The following GRXCR1 variants were observed in gnomAD, a reference collection of about 807,000 sequenced individuals.
GRXCR1 encodes the protein glutaredoxin domain-containing cysteine-rich protein 1.
In GRXCR1, 27 loss-of-function variants were observed where a neutral mutation model predicts 27.3. That is an observed-to-expected ratio of 0.99 (90% CI 0.73 to 1.37). The LOEUF (loss-of-function observed/expected upper bound fraction) is 1.37, where lower values mean the gene tolerates loss of function less well. GRXCR1 is among the 40% of genes most tolerant of loss of function. The probability of loss-of-function intolerance (pLI) is 0.00; values close to 1 mark genes in which losing one functional copy is unlikely to be tolerated. For synonymous variants in GRXCR1, 122 were observed against 131.1 expected (o/e 0.93, Z 0.47); for missense variants, 379 against 354.4 (o/e 1.07, Z -0.56).
At chr4:42,922,593 C>A (rs773215359) in intron 1 of GRXCR1, among the ~76,000 whole-genome samples, 2 of 152,048 alleles carry the variant, frequency 1.3e-5, no homozygotes, top group African/African-American at 4.8e-5. Context: ...CCATGTCCCC[C>A]ATTAGGGCAA....
At chr4:42,925,253 G>A (rs1206385513) in intron 1 of GRXCR1, among the ~76,000 whole-genome samples, 5 of 152,000 alleles carry the variant, frequency 3.3e-5, no homozygotes, top group African/African-American at 9.7e-5. Context: ...ATTTAATGGA[G>A]AGGAGAGAGT....
intron 2 of GRXCR1, among the ~76,000 whole-genome samples, chr4:42,977,138 GAGA>G (rs1748544172): frequency 6.6e-6 from 1 of 152,002 alleles, no homozygotes; most frequent in Admixed American, 6.6e-5. Flanking sequence ...TGTAACAGAT[GAGA>G]AGATTTTCTT....
chr4:42,974,452 G>A (rs977910720), intron 2 of GRXCR1, among the ~76,000 whole-genome samples: 3 of 152,156 alleles, frequency 2.0e-5, no homozygotes, highest in African/African-American at 7.2e-5. Context: ...GGGTCTAGGT[G>A]ATTCTGAGGC....
At chr4:42,928,729 G>C (rs1293187453) in intron 1 of GRXCR1, among the ~76,000 whole-genome samples, 1 of 151,904 alleles carries the variant, frequency 6.6e-6, no homozygotes, top group Non-Finnish European at 1.5e-5. Context: ...CCATGGGAAA[G>C]GCAAGGCAAG....
intron 1 of GRXCR1, among the ~76,000 whole-genome samples, chr4:42,934,134 T>C (rs1454294295): frequency 6.6e-6 from 1 of 151,812 alleles, no homozygotes; most frequent in Non-Finnish European, 1.5e-5. Context: ...CCTCTTCTTC[T>C]CTATGAGATC....
chr4:43,013,918 A>G (rs969769440), intron 2 of GRXCR1, among the ~76,000 whole-genome samples: 1 of 152,166 alleles, frequency 6.6e-6, no homozygotes, highest in Non-Finnish European at 1.5e-5. Flanking sequence ...ATTATAAAAA[A>G]TCAGGATTGG....
At chr4:42,908,663 T>C (rs2109743283) in intron 1 of GRXCR1, among the ~76,000 whole-genome samples, 1 of 152,300 alleles carries the variant, frequency 6.6e-6, no homozygotes, top group Middle Eastern at 3.4e-3. Context: ...GGGATGCGCA[T>C]CAAAACATCT....
chr4:43,010,665 A>C (rs904917823), intron 2 of GRXCR1, among the ~76,000 whole-genome samples: 2 of 151,750 alleles, frequency 1.3e-5, no homozygotes, highest in Non-Finnish European at 2.9e-5. Flanking sequence ...AGTTCCAATA[A>C]GAGATCACTT....
At chr4:43,015,009 G>T (rs1712888353) in intron 2 of GRXCR1, among the ~76,000 whole-genome samples, 1 of 152,158 alleles carries the variant, frequency 6.6e-6, no homozygotes, top group Non-Finnish European at 1.5e-5. Context: ...TTGAGCAGGT[G>T]ACATTTAAAT....
At chr4:42,917,296 T>C in intron 1 of GRXCR1, among the ~76,000 whole-genome samples, 1 of 152,160 alleles carries the variant, frequency 6.6e-6, no homozygotes, top group East Asian at 1.9e-4. Flanking sequence ...CCTCTGGTGT[T>C]GATGGCACAA....
intron 2 of GRXCR1, among the ~76,000 whole-genome samples, chr4:43,010,841 A>T (rs1449537110): frequency 6.6e-6 from 1 of 152,224 alleles, no homozygotes; most frequent in Non-Finnish European, 1.5e-5. Flanking sequence ...ACAAGTTACT[A>T]AGGTGCTATG....
chr4:42,938,322 A>G (rs918058666), intron 1 of GRXCR1, among the ~76,000 whole-genome samples: 3 of 151,974 alleles, frequency 2.0e-5, no homozygotes, highest in African/African-American at 7.2e-5. Flanking sequence ...TTCTTTATCC[A>G]TTCTCTGTTG....
intron 3 of GRXCR1, among the ~76,000 whole-genome samples, chr4:43,021,659 C>A (rs1713096451): frequency 6.6e-6 from 1 of 152,056 alleles, no homozygotes; most frequent in Non-Finnish European, 1.5e-5. Flanking sequence ...TGTCGTAATA[C>A]AAACAATAGA....
chr4:42,943,222 A>G (rs1747663346), intron 1 of GRXCR1, among the ~76,000 whole-genome samples: 1 of 152,140 alleles, frequency 6.6e-6, no homozygotes, highest in South Asian at 2.1e-4. Flanking sequence ...CACTTGGCAC[A>G]TTGCCTGATG....
chr4:42,962,230 T>G (rs983421744), intron 1 of GRXCR1, among the ~76,000 whole-genome samples: 1 of 151,974 alleles, frequency 6.6e-6, no homozygotes, highest in Non-Finnish European at 1.5e-5. Context: ...GTTTCCTTTT[T>G]ATGCCTGGCT....
chr4:42,920,979 G>T (rs562642986), intron 1 of GRXCR1, among the ~76,000 whole-genome samples: 1 of 152,118 alleles, frequency 6.6e-6, no homozygotes, highest in East Asian at 1.9e-4. Context: ...AAATTCCAAT[G>T]AGCTTTCCAC....
rs760901404 is a variant in GRXCR1 at position 42,963,152 on chromosome 4, G to A, written c.627+18G>A. 1.9e-6 allele frequency: 3 copies of A among 1,611,842 alleles called. No homozygotes were observed. The highest frequency in any genetic ancestry group is 2.2e-5 in the East Asian group (1 of 44,830). On this transcript the variant is annotated intron_variant, in intron 2 of 3. Transcript: ENST00000399770. ...ACCTTGGGGTAAGTAAGCTGCCCAGGAAAGTCTTTTTCATAGAACCCAACC... is the reference window on the plus strand; with the variant it reads ...ACCTTGGGGTAAGTAAGCTGCCCAGAAAAGTCTTTTTCATAGAACCCAACC...
rs368090468 is a variant in GRXCR1, at chr4:42,930,089, C to T, written c.385-32803C>T. On this transcript the variant is annotated intron_variant, in intron 1 of 3. Coordinates refer to ENST00000399770, the MANE Select transcript of GRXCR1 (RefSeq NM_001080476.3). ...CTTGATCTCATTTCTGTTGATCAGCCCTCTTTGCCACATCCTGGCTATTAT... is the reference window on the plus strand; with the variant it reads ...CTTGATCTCATTTCTGTTGATCAGCTCTCTTTGCCACATCCTGGCTATTAT... 4.6e-4 allele frequency among the ~76,000 whole-genome samples: 70 copies of T among 152,020 alleles called. 2 individuals carry two copies. In the South Asian group the frequency reaches 0.011, roughly 23 times the overall value.
intron 2 of GRXCR1, among the ~76,000 whole-genome samples, chr4:43,016,633 TTGTGTGTG>T (rs34018617): frequency 6.7e-6 from 1 of 149,834 alleles, no homozygotes; most frequent in Non-Finnish European, 1.5e-5. Context: ...AGTTGTGTGT[TTGTGTGTG>T]TGTGTGTGTG....
Sources: allele counts gnomAD v4.1 joint callset (sites outside exome capture counted in the v4.1 genomes callset), GRCh38; gene constraint gnomAD v4.1.1; transcripts MANE v1.5; gene names NCBI Gene and HGNC (gene_info 2026-07-23, HGNC 2026-07-21).